Variants in LMNTD1 observed in about 807,000 individuals in gnomAD.
LMNTD1 encodes the protein lamin tail domain-containing protein 1.
LMNTD1 carries 35 observed loss-of-function variants against 50.9 expected under a neutral mutation model. The ratio of observed to expected loss-of-function variants is 0.69; its 90% confidence interval spans 0.53 to 0.91. The LOEUF is 0.91. LMNTD1 is among the 40% of genes least tolerant of loss of function. The probability of loss-of-function intolerance (pLI) is 0.00; values close to 1 mark genes in which losing one functional copy is unlikely to be tolerated. For synonymous variants in LMNTD1, 153 were observed against 161.9 expected, an observed-to-expected ratio of 0.94 and a Z score of 0.42; for missense variants, 470 against 475.5, an observed-to-expected ratio of 0.99 and a Z score of 0.11.
At chr12:25,514,799 AC>A (rs1298888394) in intron 8 of LMNTD1, among the ~76,000 whole-genome samples, 4 of 152,094 alleles carry the variant, frequency 2.6e-5, no homozygotes, top group Non-Finnish European at 5.9e-5. Flanking sequence ...TTATTTTTTT[AC>A]ATATGAAAAT....
At chr12:25,495,249 C>CGTGTGTGT (rs1207389869) in intron 9 of LMNTD1, among the ~76,000 whole-genome samples, 23,055 of 144,546 alleles carry the variant, frequency 0.16, 2,208 homozygotes, top group East Asian at 0.39. Flanking sequence ...AAAGTGTGTA[C>CGTGTGTGT]GTGTGTGTGT....
intron 1 of LMNTD1, among the ~76,000 whole-genome samples, chr12:25,566,735 A>G (rs1346430946): frequency 6.6e-6 from 1 of 152,178 alleles, no homozygotes; most frequent in Non-Finnish European, 1.5e-5. Flanking sequence ...ATTTGTTGTT[A>G]GGGTTGCTCA....
chr12:25,479,392 C>G (rs1938371162), intron 9 of LMNTD1, among the ~76,000 whole-genome samples: 2 of 152,160 alleles, frequency 1.3e-5, no homozygotes, highest in Admixed American at 6.6e-5. Context: ...ATGGGAGAAA[C>G]AGTACCATAT....
intron 1 of LMNTD1, among the ~76,000 whole-genome samples, chr12:25,578,675 T>C (rs1475358831): frequency 6.6e-6 from 1 of 152,172 alleles, no homozygotes; most frequent in African/African-American, 2.4e-5. Flanking sequence ...CAAGTCAGCA[T>C]TGAATTTTTA....
intron 9 of LMNTD1, among the ~76,000 whole-genome samples, chr12:25,476,704 A>G (rs1039615023): frequency 6.6e-6 from 1 of 152,180 alleles, no homozygotes; most frequent in Non-Finnish European, 1.5e-5. Flanking sequence ...AAGGATTTCT[A>G]TGATTTTCCC....
intron 1 of LMNTD1, among the ~76,000 whole-genome samples, chr12:25,617,674 T>G (rs1481754097): frequency 6.6e-6 from 1 of 152,234 alleles, no homozygotes; most frequent in Non-Finnish European, 1.5e-5. Flanking sequence ...TAAAATGATC[T>G]TCTTTCTTTC....
intron 1 of LMNTD1, among the ~76,000 whole-genome samples, chr12:25,631,457 C>G (rs1946718103): frequency 6.6e-6 from 1 of 152,198 alleles, no homozygotes; most frequent in African/African-American, 2.4e-5. Flanking sequence ...GACCCATAGA[C>G]AGTTCACATC....
intron 8 of LMNTD1, among the ~76,000 whole-genome samples, chr12:25,505,481 G>A (rs1939687521): frequency 6.6e-6 from 1 of 152,116 alleles, no homozygotes; most frequent in Non-Finnish European, 1.5e-5. Flanking sequence ...ATTGTAAGAA[G>A]CAGCACATAA....
chr12:25,621,392 G>A (rs551365154), intron 1 of LMNTD1, among the ~76,000 whole-genome samples: 5 of 152,202 alleles, frequency 3.3e-5, no homozygotes, highest in East Asian at 3.9e-4. Context: ...ACCCAGCCAC[G>A]TAGTTTTTAA....
chr12:25,554,348 G>T (rs557387037), upstream of LMNTD1, among the ~76,000 whole-genome samples: 2 of 152,190 alleles, frequency 1.3e-5, no homozygotes, highest in Non-Finnish European at 2.9e-5. Context: ...GGTTTTATCA[G>T]AGAGCCTGCT....
At chr12:25,520,161 T>G (rs1941204234) in intron 6 of LMNTD1, 86 bp from the exon 7 acceptor site, 1 of 216,156 alleles carries the variant, frequency 4.6e-6, no homozygotes, top group Non-Finnish European at 8.8e-6. Context: ...TATATATATA[T>G]ATATATATAT....
intron 1 of LMNTD1, among the ~76,000 whole-genome samples, chr12:25,646,818 T>C (rs1403615126): frequency 1.3e-5 from 2 of 152,258 alleles, no homozygotes; most frequent in African/African-American, 4.8e-5. Flanking sequence ...TTAGAAAATG[T>C]AAATGCAAAC....
chr12:25,518,993 A>G (rs1941025691), intron 7 of LMNTD1, 26 bp from the exon 8 acceptor site: 3 of 1,610,870 alleles, frequency 1.9e-6, no homozygotes, highest in Non-Finnish European at 2.5e-6. Flanking sequence ...GCCTAAATGG[A>G]ACTCAAAAGC....
chr12:25,547,208 C>T (rs1172347913), intron 3 of LMNTD1: 28 of 964,238 alleles, frequency 2.9e-5, no homozygotes, highest in African/African-American at 1.8e-4. Flanking sequence ...ATAATATATC[C>T]GCAAAGGGGG....
intron 1 of LMNTD1, among the ~76,000 whole-genome samples, chr12:25,577,363 G>A (rs984201723): frequency 2.0e-5 from 3 of 152,030 alleles, no homozygotes; most frequent in Admixed American, 6.6e-5. Flanking sequence ...CTTTTAATTC[G>A]TTGAGCAGTG....
intron 1 of LMNTD1, among the ~76,000 whole-genome samples, chr12:25,598,982 C>A (rs1945905590): frequency 6.6e-6 from 1 of 151,844 alleles, no homozygotes. Flanking sequence ...GGAGGGAAAA[C>A]TTCCAAACTT....
intron 1 of LMNTD1, among the ~76,000 whole-genome samples, chr12:25,629,474 A>G (rs573438212): frequency 1.8e-4 from 27 of 152,228 alleles, no homozygotes; most frequent in Non-Finnish European, 3.2e-4. Context: ...AAAGTTTCAT[A>G]CCAAGAGAAA....
intron 1 of LMNTD1, among the ~76,000 whole-genome samples, chr12:25,580,824 T>C (rs1945250973): frequency 6.6e-6 from 1 of 152,198 alleles, no homozygotes; most frequent in African/African-American, 2.4e-5. Context: ...GGAAATTGAA[T>C]TGAGAGCAAT....
chr12:25,552,597 A>AAAAAAAAG, intron 2 of LMNTD1, among the ~76,000 whole-genome samples: 1 of 150,966 alleles, frequency 6.6e-6, no homozygotes, highest in Non-Finnish European at 1.5e-5. Context: ...AAAAAAAAAA[A>AAAAAAAAG]AAAACGGAAC....
Sources: gnomAD v4.1 joint callset for allele counts (sites outside exome capture counted in the v4.1 genomes callset) on GRCh38, gnomAD v4.1.1 for gene constraint, MANE v1.5 for transcripts, NCBI Gene and HGNC (gene_info 2026-07-23, HGNC 2026-07-21) for gene names.